FAM184A: variants seen among roughly 807,000 people sequenced by gnomAD.
FAM184A encodes the protein protein FAM184A.
A neutral mutation model predicts 143.8 loss-of-function variants in FAM184A; 99 were observed. That is an observed-to-expected ratio of 0.69 (90% CI 0.58 to 0.81). The LOEUF is 0.81. Among genes scored for constraint, FAM184A ranks in the 40% least tolerant of loss-of-function variants. The pLI is 0.00. For missense variants in FAM184A, 1,217 were observed against 1,310.5 expected, an observed-to-expected ratio of 0.93 and a Z score of 1.10; for synonymous variants, 427 against 446.4, an observed-to-expected ratio of 0.96 and a Z score of 0.55.
chr6:119,096,033 A>T (rs977175142), intron 1 of FAM184A, among the ~76,000 whole-genome samples: 10 of 152,084 alleles, frequency 6.6e-5, no homozygotes, highest in Non-Finnish European at 1.5e-4. Context: ...AGCCTATCTC[A>T]TTCCACCTCT....
chr6:118,972,277 G>C (rs1371216024), intron 14 of FAM184A, among the ~76,000 whole-genome samples: 2 of 152,160 alleles, frequency 1.3e-5, no homozygotes, highest in Non-Finnish European at 2.9e-5. Context: ...TATAAATTCA[G>C]CTCCTCAGTT....
intron 1 of FAM184A, among the ~76,000 whole-genome samples, chr6:119,042,957 C>T (rs1459980800): frequency 6.6e-6 from 1 of 151,932 alleles, no homozygotes. Flanking sequence ...ACAATGTGTC[C>T]CGAGTTCTCC....
intron 1 of FAM184A, among the ~76,000 whole-genome samples, chr6:119,051,626 C>A (rs375918590): frequency 1.3e-5 from 2 of 151,878 alleles, no homozygotes; most frequent in Admixed American, 1.3e-4. Flanking sequence ...ATCTCATATA[C>A]CCCATAAATA....
chr6:119,109,342 C>G (rs574857768), intron 1 of FAM184A, among the ~76,000 whole-genome samples: 2 of 152,266 alleles, frequency 1.3e-5, no homozygotes, highest in East Asian at 3.9e-4. Context: ...AGATTTAGAC[C>G]TGATTTTAGC....
intron 14 of FAM184A, among the ~76,000 whole-genome samples, chr6:118,967,795 T>C (rs1372685517): frequency 6.6e-6 from 1 of 152,080 alleles, no homozygotes; most frequent in East Asian, 1.9e-4. Flanking sequence ...ATATAAAGGA[T>C]AGAACTTAAA....
At chr6:119,100,140 G>A (rs1158946652) in intron 1 of FAM184A, among the ~76,000 whole-genome samples, 2 of 152,154 alleles carry the variant, frequency 1.3e-5, no homozygotes, top group African/African-American at 2.4e-5. Context: ...ATTCCCACAC[G>A]TCTGGTGTGA....
intron 5 of FAM184A, among the ~76,000 whole-genome samples, chr6:119,014,563 T>C (rs1785181302): frequency 6.6e-6 from 1 of 152,240 alleles, no homozygotes; most frequent in African/African-American, 2.4e-5. Context: ...TTCAACTAGT[T>C]GAGGCTTCCT....
intron 11 of FAM184A, among the ~76,000 whole-genome samples, chr6:118,978,103 A>T (rs1783902629): frequency 1.3e-5 from 2 of 152,254 alleles, no homozygotes; most frequent in Admixed American, 1.3e-4. Context: ...AGCTAGGATT[A>T]CAGGCATGCG....
At chr6:119,020,901 A>C (rs780768562) in intron 3 of FAM184A, among the ~76,000 whole-genome samples, 66 of 152,356 alleles carry the variant, frequency 4.3e-4, no homozygotes, top group Middle Eastern at 3.4e-3. Flanking sequence ...ACACAGATAA[A>C]GACAGCAAGG....
rs569502041 is a variant in FAM184A, at chr6:119,015,249, C to T, written c.1530+1498G>A. On this transcript the variant is annotated intron_variant, in intron 5 of 17. Transcript: ENST00000338891. ...GCACTTGAGGAGCCCTTCGGCCTGC[C>T]GCTGCACTGCGGGAGCCCCTTTCTG... 9.2e-5 allele frequency among the ~76,000 whole-genome samples: 14 copies of T among 152,210 alleles called. 1 individual carries two copies. The highest frequency in any genetic ancestry group is 2.9e-4 in the African/African-American group (12 of 41,538).
In FAM184A at chr6:119,089,159, AT is replaced by A. The variant is rs200716926; in HGVS notation, c.-202+59918del. Among the ~76,000 whole-genome samples, 253 of 137,634 alleles carry A rather than the reference AT, an allele frequency of 1.8e-3. 1 individual carries two copies. The Middle Eastern group carries it at 0.029, about 16-fold the overall frequency. 90.3% of individuals were successfully genotyped at this position (137,634 alleles called of 152,430 possible). A position where few individuals can be genotyped will look rare whatever the true frequency, so the allele number is the denominator to read the frequency against. On this transcript the variant is annotated intron_variant, in intron 1 of 16. Transcript: ENST00000352896. ...TCGGCCTCCCAAATAGCTAACACCT[AT>A]TTTTTTTTTTTAATTATCTCTCTCT...
chr6:119,025,323 T>C (rs1785593043), intron 1 of FAM184A: 1 of 392,944 alleles, frequency 2.5e-6, no homozygotes, highest in African/African-American at 2.1e-5. Flanking sequence ...TGTTTAAATA[T>C]TTCAAATTTT....
chr6:118,971,860 C>A (rs113939492), intron 14 of FAM184A, among the ~76,000 whole-genome samples: 28 of 151,394 alleles, frequency 1.8e-4, no homozygotes, highest in Admixed American at 1.6e-3. Context: ...GGGGCAGGAG[C>A]AGAAGCAAGA....
At chr6:119,027,025 T>C (rs1181542287) in intron 1 of FAM184A, among the ~76,000 whole-genome samples, 1 of 152,162 alleles carries the variant, frequency 6.6e-6, no homozygotes, top group Non-Finnish European at 1.5e-5. Flanking sequence ...GACAAGAACC[T>C]TGGCGTCCAC....
At chr6:119,122,480 C>T (rs1789243022) in intron 1 of FAM184A, among the ~76,000 whole-genome samples, 1 of 152,130 alleles carries the variant, frequency 6.6e-6, no homozygotes, top group Non-Finnish European at 1.5e-5. Flanking sequence ...ACAGATACTT[C>T]AGAGGAGGGC....
intron 14 of FAM184A, among the ~76,000 whole-genome samples, chr6:118,970,755 G>C (rs1418904205): frequency 6.6e-6 from 1 of 152,154 alleles, no homozygotes; most frequent in Non-Finnish European, 1.5e-5. Context: ...GGAGAAAGGA[G>C]AAGTAGAACA....
At chr6:119,036,408 T>C (rs1045743280) in intron 1 of FAM184A, among the ~76,000 whole-genome samples, 4 of 152,132 alleles carry the variant, frequency 2.6e-5, no homozygotes, top group African/African-American at 9.7e-5. Context: ...AACTTTAAAA[T>C]CCAATTGCAT....
At chr6:119,056,886 T>G (rs1453195361) in intron 1 of FAM184A, among the ~76,000 whole-genome samples, 1 of 152,146 alleles carries the variant, frequency 6.6e-6, no homozygotes, top group African/African-American at 2.4e-5. Flanking sequence ...CAACTACTAC[T>G]CATGTCACCA....
chr6:119,100,660 A>C (rs539913852), intron 1 of FAM184A, among the ~76,000 whole-genome samples: 1 of 146,004 alleles, frequency 6.8e-6, no homozygotes, highest in South Asian at 2.1e-4. Context: ...TTTCTTGAAC[A>C]TTAAAAATAC....
Sources: gnomAD v4.1 joint callset for allele counts (sites outside exome capture counted in the v4.1 genomes callset) on GRCh38, gnomAD v4.1.1 for gene constraint, MANE v1.5 for transcripts, NCBI Gene and HGNC (gene_info 2026-07-23, HGNC 2026-07-21) for gene names.